Variants in HLA-DOA observed in about 807,000 individuals in gnomAD.
HLA-DOA encodes major histocompatibility complex, class II, DO alpha, also known as HLA class II histocompatibility antigen, DO alpha chain.
A neutral mutation model predicts 22.9 loss-of-function variants in HLA-DOA; 27 were observed. The ratio of observed to expected loss-of-function variants is 1.18; its 90% CI spans 0.87 to 1.62. The LOEUF (loss-of-function observed/expected upper bound fraction) is 1.62. HLA-DOA is among the 40% of genes most tolerant of loss of function. HLA-DOA has a pLI of 0.00. For synonymous variants in HLA-DOA, 137 were observed against 138.6 expected (o/e 0.99, Z 0.08); for missense variants, 324 against 332.4 (o/e 0.97, Z 0.20).
chr6:33,008,233 G>C lies in HLA-DOA; in HGVS notation c.111C>G (p.Ala37=), dbSNP rs779058031. 6.2e-6 allele frequency: 10 copies of C among 1,613,038 alleles called. No individual in the cohort carries two copies. The highest frequency in any genetic ancestry group is 3.3e-5 in the Admixed American group (2 of 60,022). ...KADHMGSYGP[A]FYQSYGASGQ... ...CCGAGGCGCCGTAAGACTGGTAGAA[G>C]GCGGGTCCGTAGGAGCCCATGTGGT... The change falls in exon 2 of 5, where the codon GCC becomes GCG. Residue 37 remains alanine, a synonymous_variant. Transcript: ENST00000229829.
chr6:33,006,828 A>G lies in HLA-DOA; in HGVS notation c.*10T>C, dbSNP rs1211904002. 6.2e-7 allele frequency: 1 copy of G among 1,612,526 alleles called. No individual in the cohort carries two copies. The highest frequency in any genetic ancestry group is 8.5e-7 in the Non-Finnish European group (1 of 1,179,520). On this transcript the variant is annotated 3_prime_UTR_variant, in exon 5 of 5. Transcript: ENST00000229829. Reference sequence around the variant, plus strand: ...GTGTCTCCCACAAGTCATTTCTCTCAGAAGGATCATTACCTAAAATAGCAG... The same window carrying G: ...GTGTCTCCCACAAGTCATTTCTCTCGGAAGGATCATTACCTAAAATAGCAG...
chr6:33,009,465 C>G lies in HLA-DOA; in HGVS notation c.72G>C (p.Gly24=). 1 of 1,601,474 alleles carries G rather than the reference C, an allele frequency of 6.2e-7. No individual in the cohort carries two copies. Among genetic ancestry groups the G allele is most frequent in the Non-Finnish European group, 8.5e-7 (1 of 1,176,068 alleles). The part of the protein sequence containing the change: ...LMTLLSPQEA[G]ATKADHMGSY... ...CGCCCTCGCACTCACCCTTGGTGGCCCCTGCCTCCTGCGGGCTCAGGAGGG... is the reference window on the plus strand; with the variant it reads ...CGCCCTCGCACTCACCCTTGGTGGCGCCTGCCTCCTGCGGGCTCAGGAGGG... Residue 24 remains glycine (G), a synonymous_variant, in exon 1 of 5, where the codon GGG becomes GGC. Transcript: ENST00000229829. The surrounding 1 kb of genome is among the most constrained non-coding windows in gnomAD (Gnocchi z 4.8).
chr6:33,007,046 T>TC, intron 4 of HLA-DOA, 34 bp downstream of exon 4: 1 of 1,587,382 alleles, frequency 6.3e-7, no homozygotes. Flanking sequence ...TCCACTTTCC[T>TC]CCCCCACCCC....
intron 2 of HLA-DOA, 32 bp downstream of exon 2, chr6:33,007,981 C>T: frequency 6.3e-7 from 1 of 1,596,834 alleles, no homozygotes; most frequent in Non-Finnish European, 8.5e-7. Context: ...GACCTTCCCG[C>T]CTGACTGGGT....
intron 4 of HLA-DOA, 39 bp downstream of exon 4, chr6:33,007,041 T>A (rs774267407): frequency 3.0e-5 from 48 of 1,585,750 alleles, no homozygotes; most frequent in Non-Finnish European, 3.9e-5. Flanking sequence ...AGTCATCCAC[T>A]TTCCTCCCCC....
chr6:33,006,790 G>A lies in HLA-DOA; in HGVS notation c.*48C>T. On this transcript the variant is annotated 3_prime_UTR_variant, in exon 5 of 5. Coordinates refer to ENST00000229829, the MANE Select transcript of HLA-DOA (RefSeq NM_002119.4). ...CACGCAGGGGCTGTCACAAACCCAT[G>A]AGGATCTGCAGGGTGTCTCCCACAA... The A allele has an allele frequency of 5.6e-6, 9 of 1,613,022 alleles. No homozygotes were observed. The highest frequency in any genetic ancestry group is 1.3e-5 in the African/African-American group (1 of 75,064).
At chr6:33,008,290 G>A (rs1490784134) in intron 1 of HLA-DOA, 29 bp from the exon 2 acceptor site, 1 of 1,602,532 alleles carries the variant, frequency 6.2e-7, no homozygotes, top group Non-Finnish European at 8.5e-7. Context: ...GGGTCAAGGA[G>A]AGAGAAAAAA....
intron 2 of HLA-DOA, 57 bp downstream of exon 2, chr6:33,007,956 G>T: frequency 6.4e-7 from 1 of 1,563,072 alleles, no homozygotes; most frequent in Middle Eastern, 1.9e-4. Context: ...TAGGAACTGG[G>T]AGGAAGTTTC....
rs372589191 is a variant in HLA-DOA at position 33,009,568 on chromosome 6, A to C, written c.-32T>G. 6.5e-7 allele frequency: 1 copy of C among 1,531,804 alleles called. No individual in the cohort carries two copies. The highest frequency in any genetic ancestry group is 8.9e-7 in the Non-Finnish European group (1 of 1,129,446). The allele number at this position is 1,531,804 out of a possible 1,614,324, so 94.9% of individuals were successfully genotyped here. ...CTGGTGCTTTAATCAAATCAGTCTC[A>C]GTCCGTGTGGTGAGGACAGGAACAA... On this transcript the variant is annotated 5_prime_UTR_variant, in exon 1 of 5. Coordinates refer to ENST00000229829, the MANE Select transcript of HLA-DOA (RefSeq NM_002119.4). This position sits in a 1 kb window ranked among gnomAD's most constrained non-coding sequence, Gnocchi z 4.8.
rs769901665 is a variant in HLA-DOA, at chr6:33,008,137, C to T, written c.207G>A (p.Trp69Ter). The change falls in exon 2 of 5, where the codon TGG becomes TGA. Residue 69 changes from tryptophan (W) to a stop codon, truncating the protein, a stop_gained. Coordinates refer to ENST00000229829, the MANE Select transcript of HLA-DOA (RefSeq NM_002119.4). LOFTEE classifies it high-confidence loss of function. ...SVDLKKSEAV[W>*]RLPEFGDFAR... is the part of the protein sequence containing the mutation. ...CAAAGTCACCAAACTCAGGCAGACG[C>T]CACACGGCCTCGCTTTTCTTCAGGT... 4 of 1,613,108 alleles carry T rather than the reference C, an allele frequency of 2.5e-6. No individual in the cohort carries two copies. The highest frequency in any genetic ancestry group is 3.4e-6 in the Non-Finnish European group (4 of 1,180,046).
intron 1 of HLA-DOA, among the ~76,000 whole-genome samples, chr6:33,008,951 T>C (rs2127551206): frequency 6.6e-6 from 1 of 152,226 alleles, no homozygotes; most frequent in South Asian, 2.1e-4. Flanking sequence ...GCAACAGTTA[T>C]TGAGGAACTA....
At chr6:33,006,995 A>G (rs1780835229) in intron 4 of HLA-DOA, 85 bp downstream of exon 4, 5 of 1,522,068 alleles carry the variant, frequency 3.3e-6, no homozygotes, top group East Asian at 4.5e-5. Context: ...TTTCCCCACA[A>G]CAGAATCTCT....
intron 2 of HLA-DOA, 89 bp downstream of exon 2, chr6:33,007,924 G>A (rs1375634268): frequency 3.4e-6 from 5 of 1,488,636 alleles, no homozygotes; most frequent in South Asian, 1.3e-5. Context: ...CGCTGAGAGC[G>A]CGCCCCAGAG....
At position 33,004,716 on chromosome 6, in the gene HLA-DOA, G is replaced by C. The variant is rs942957125; in HGVS notation, c.*2122C>G. ...TAGCTTCTCTGGGCTTTTCGGATCC[G>C]AGTTCTGTTCCTGGGAGGCCTGGCT... On this transcript the variant is annotated 3_prime_UTR_variant, in exon 5 of 5. Coordinates refer to ENST00000229829, the MANE Select transcript of HLA-DOA (RefSeq NM_002119.4). The C allele has an allele frequency of 6.6e-6, 1 of 152,266 alleles. No homozygotes were observed. The highest frequency in any genetic ancestry group is 2.4e-5 in the African/African-American group (1 of 41,408). The allele number at this position is 152,266 out of a possible 1,614,324, so 9.4% of individuals were successfully genotyped here. A position where few individuals can be genotyped will look rare whatever the true frequency, so the allele number is the denominator to read the frequency against.
In HLA-DOA at chr6:33,008,074, G is replaced by T. The variant is rs763052930; in HGVS notation, c.270C>A (p.Ala90=). The change falls in exon 2 of 5, where the codon GCC becomes GCA. Residue 90 remains alanine, a synonymous_variant. Coordinates refer to ENST00000229829, the MANE Select transcript of HLA-DOA (RefSeq NM_002119.4). ...FDPQGGLAGI[A]AIKAHLDILV... is the part of the protein sequence containing the mutation. ...GGATGTCCAGATGGGCTTTGATTGC[G>T]GCGATGCCGGCCAGCCCGCCCTGCG... 1.2e-6 allele frequency: 2 copies of T among 1,612,944 alleles called. No homozygotes were observed. The highest frequency in any genetic ancestry group is 1.7e-6 in the Non-Finnish European group (2 of 1,180,046).
At position 33,009,446 on chromosome 6, in the gene HLA-DOA, C is replaced by G; in HGVS notation, c.82+9G>C. On this transcript the variant is annotated intron_variant, in intron 1 of 4. Coordinates refer to ENST00000229829, the MANE Select transcript of HLA-DOA (RefSeq NM_002119.4). This position sits in a 1 kb window ranked among gnomAD's most constrained non-coding sequence, Gnocchi z 4.8. ...CTCCCCGCCGCACCCTCCTCGCCCT[C>G]GCACTCACCCTTGGTGGCCCCTGCC... 6.3e-7 allele frequency: 1 copy of G among 1,584,664 alleles called. No individual in the cohort carries two copies. The highest frequency in any genetic ancestry group is 8.6e-7 in the Non-Finnish European group (1 of 1,167,044).
intron 1 of HLA-DOA, 163 bp from the exon 2 acceptor site, chr6:33,008,424 A>G: frequency 7.0e-7 from 1 of 1,437,212 alleles, no homozygotes; most frequent in South Asian, 1.5e-5. Context: ...AGAAAGGGAG[A>G]GAGAACAGGA....
chr6:33,005,800 C>G lies in HLA-DOA; in HGVS notation c.*1038G>C, dbSNP rs1427854438. On this transcript the variant is annotated 3_prime_UTR_variant, in exon 5 of 5. Transcript: ENST00000229829. ...CTCTCTATGTAGCCCAAGATGGTTT[C>G]CACCTCTTGGCCTCAAGCAGTCCTG... 6.6e-6 allele frequency: 1 copy of G among 152,104 alleles called. No individual in the cohort carries two copies. The highest frequency in any genetic ancestry group is 1.5e-5 in the Non-Finnish European group (1 of 68,048). The allele number at this position is 152,104 out of a possible 1,614,324, so 9.4% of individuals were successfully genotyped here. A position where few individuals can be genotyped will look rare whatever the true frequency, so the allele number is the denominator to read the frequency against.
chr6:33,008,483 G>T (rs1477771730), intron 1 of HLA-DOA: 1 of 1,257,924 alleles, frequency 7.9e-7, no homozygotes, highest in African/African-American at 1.5e-5. Flanking sequence ...AGACAGTGCA[G>T]TCTGGCATAT....
Sources: allele counts gnomAD v4.1 joint callset (sites outside exome capture counted in the v4.1 genomes callset), GRCh38; gene constraint gnomAD v4.1.1; non-coding constraint Gnocchi (gnomAD v3.1); transcripts MANE v1.5; gene names NCBI Gene and HGNC (gene_info 2026-07-23, HGNC 2026-07-21).